SHROOM3: variants seen among roughly 807,000 people sequenced by gnomAD.
SHROOM3 encodes the protein shroom family member 3.
A neutral mutation model predicts 138.6 loss-of-function variants in SHROOM3; 47 were observed. That is an observed-to-expected ratio of 0.34 (90% CI 0.27 to 0.43). The LOEUF (loss-of-function observed/expected upper bound fraction) is 0.43. Among genes scored for constraint, SHROOM3 ranks in the 20% least tolerant of loss-of-function variants. SHROOM3 has a pLI of 1.00. For synonymous variants in SHROOM3, 1,062 were observed against 1,063.3 expected, an observed-to-expected ratio of 1.00 and a Z score of 0.02; for missense variants, 2,491 against 2,596.5, an observed-to-expected ratio of 0.96 and a Z score of 0.88.
At chr4:76,494,039 C>G (rs1464901752) in intron 1 of SHROOM3, among the ~76,000 whole-genome samples, 1 of 152,094 alleles carries the variant, frequency 6.6e-6, no homozygotes, top group Non-Finnish European at 1.5e-5. Context: ...TTTTGGCATC[C>G]TTTTTACGGT....
chr4:76,641,910 G>A (rs1735680942), intron 2 of SHROOM3, among the ~76,000 whole-genome samples: 1 of 152,180 alleles, frequency 6.6e-6, no homozygotes, highest in South Asian at 2.1e-4. Flanking sequence ...AGAGGCAGGT[G>A]CTGGGGAGGG....
chr4:76,470,288 C>A (rs1731342510), intron 1 of SHROOM3, among the ~76,000 whole-genome samples: 1 of 152,136 alleles, frequency 6.6e-6, no homozygotes, highest in Admixed American at 6.5e-5. Context: ...TTGAAAACCA[C>A]AAAGCATTTG....
intron 2 of SHROOM3, among the ~76,000 whole-genome samples, chr4:76,593,672 C>T (rs143737518): frequency 6.6e-6 from 1 of 152,228 alleles, no homozygotes; most frequent in Non-Finnish European, 1.5e-5. Flanking sequence ...AGATCCCTTC[C>T]AAATTTGTGC....
chr4:76,469,558 G>A lies in SHROOM3; in HGVS notation c.168+33338G>A, dbSNP rs146471325. Among the ~76,000 whole-genome samples, 260 of 152,232 alleles carry A rather than the reference G, an allele frequency of 1.7e-3. 7 individuals carry two copies. The East Asian group carries it at 0.045, about 27-fold the overall frequency. On this transcript the variant is annotated intron_variant, in intron 1 of 10. Coordinates refer to ENST00000296043, the MANE Select transcript of SHROOM3 (RefSeq NM_020859.4). Reference sequence around the variant, plus strand: ...TGCAACCTCTGCCTCCCAGGTTCAAGCAATTCTCCTGCCTCAGCCTCCTGA... The same window carrying A: ...TGCAACCTCTGCCTCCCAGGTTCAAACAATTCTCCTGCCTCAGCCTCCTGA...
chr4:76,652,953 A>G (rs1262092838), intron 2 of SHROOM3, among the ~76,000 whole-genome samples: 1 of 152,116 alleles, frequency 6.6e-6, no homozygotes, highest in Non-Finnish European at 1.5e-5. Flanking sequence ...CAGATATATC[A>G]TGGTGTGGTG....
intron 1 of SHROOM3, among the ~76,000 whole-genome samples, chr4:76,521,905 T>G (rs1021420882): frequency 6.6e-6 from 1 of 152,226 alleles, no homozygotes; most frequent in Non-Finnish European, 1.5e-5. Flanking sequence ...AGTGTCATAA[T>G]GTGCCTCCTG....
intron 2 of SHROOM3, among the ~76,000 whole-genome samples, chr4:76,695,498 C>T (rs537343707): frequency 6.6e-6 from 1 of 152,268 alleles, no homozygotes; most frequent in Admixed American, 6.5e-5. Flanking sequence ...TTTCATATTT[C>T]CTATTTCCAT....
At chr4:76,459,471 G>T (rs1453444362) in intron 1 of SHROOM3, among the ~76,000 whole-genome samples, 3 of 152,276 alleles carry the variant, frequency 2.0e-5, no homozygotes, top group African/African-American at 7.2e-5. Flanking sequence ...AGGTTGAGCC[G>T]CTGTGACAGC....
intron 3 of SHROOM3, among the ~76,000 whole-genome samples, chr4:76,712,332 C>T (rs1720252473): frequency 6.6e-6 from 1 of 152,090 alleles, no homozygotes; most frequent in African/African-American, 2.4e-5. Context: ...TGGTATGAGG[C>T]ACTTGGGGAT....
At chr4:76,743,059 G>C (rs1455194171) in intron 5 of SHROOM3, among the ~76,000 whole-genome samples, 1 of 152,234 alleles carries the variant, frequency 6.6e-6, no homozygotes, top group Non-Finnish European at 1.5e-5. Flanking sequence ...TTTGGGAATA[G>C]TGATCAATAA....
intron 2 of SHROOM3, chr4:76,688,333 C>T: frequency 1.0e-6 from 1 of 966,246 alleles, no homozygotes; most frequent in Non-Finnish European, 1.2e-6. Context: ...GCTAATGCTC[C>T]TGCATTCTGT....
chr4:76,464,260 T>G (rs1731203504), intron 1 of SHROOM3, among the ~76,000 whole-genome samples: 1 of 152,194 alleles, frequency 6.6e-6, no homozygotes, highest in African/African-American at 2.4e-5. Context: ...AAGGAGATTA[T>G]TTTGGGGCTT....
chr4:76,670,947 A>AAAAT (rs1159368943), intron 2 of SHROOM3, among the ~76,000 whole-genome samples: 14 of 152,090 alleles, frequency 9.2e-5, no homozygotes, highest in Admixed American at 2.6e-4. Flanking sequence ...CCCTGTTTCA[A>AAAAT]AAATAAATAA....
chr4:76,492,118 G>A (rs1387045739), intron 1 of SHROOM3, among the ~76,000 whole-genome samples: 2 of 152,128 alleles, frequency 1.3e-5, no homozygotes, highest in Admixed American at 6.6e-5. Flanking sequence ...AAATGACAAC[G>A]GGGCCCATTA....
intron 3 of SHROOM3, among the ~76,000 whole-genome samples, chr4:76,710,765 C>T (rs926666825): frequency 1.3e-5 from 2 of 152,116 alleles, no homozygotes; most frequent in African/African-American, 4.8e-5. Flanking sequence ...TAGCTACTTA[C>T]CCATGTGGGT....
At chr4:76,683,941 A>T (rs1360242872) in intron 2 of SHROOM3, among the ~76,000 whole-genome samples, 1 of 152,180 alleles carries the variant, frequency 6.6e-6, no homozygotes, top group Non-Finnish European at 1.5e-5. Flanking sequence ...CCACTCTCCA[A>T]GAAGAGTTTA....
chr4:76,552,294 C>T (rs1733382214), intron 1 of SHROOM3, among the ~76,000 whole-genome samples: 1 of 150,858 alleles, frequency 6.6e-6, no homozygotes, highest in East Asian at 1.9e-4. Context: ...ATCACTTGAG[C>T]CCAGGAGTTC....
chr4:76,772,323 C>T (rs752859892), intron 10 of SHROOM3, among the ~76,000 whole-genome samples: 15 of 151,862 alleles, frequency 9.9e-5, no homozygotes, highest in South Asian at 2.1e-4. Context: ...AGGCTGGTCT[C>T]GAACTCCTGA....
chr4:76,623,867 T>C (rs1014531296), intron 2 of SHROOM3, among the ~76,000 whole-genome samples: 1 of 152,200 alleles, frequency 6.6e-6, no homozygotes, highest in Non-Finnish European at 1.5e-5. Context: ...GGGAGAAAGA[T>C]ATTCCTTGCA....
Sources: gnomAD v4.1 joint callset for allele counts (sites outside exome capture counted in the v4.1 genomes callset) on GRCh38, gnomAD v4.1.1 for gene constraint, MANE v1.5 for transcripts, NCBI Gene and HGNC (gene_info 2026-07-23, HGNC 2026-07-21) for gene names.